PCDHA5: variants seen among roughly 807,000 people sequenced by gnomAD.
The protein encoded by PCDHA5 is protocadherin alpha-5.
In PCDHA5, 43 loss-of-function variants were observed where a neutral mutation model predicts 61.6. That is an observed-to-expected ratio of 0.70 (90% CI 0.55 to 0.90). The LOEUF (loss-of-function observed/expected upper bound fraction) is 0.90. PCDHA5 is among the 40% of genes least tolerant of loss of function. The pLI is 0.00. For synonymous variants in PCDHA5, 627 were observed against 543.9 expected (o/e 1.15, Z -2.13); for missense variants, 1,298 against 1,222.7 (o/e 1.06, Z -0.92).
chr5:140,842,268 A>T, intron 1 of PCDHA5: 1 of 1,610,534 alleles, frequency 6.2e-7, no homozygotes, highest in Non-Finnish European at 8.5e-7. Context: ...GAAAACTTAT[A>T]CAAAATCCTC....
intron 1 of PCDHA5, chr5:140,851,981 G>A: frequency 1.0e-6 from 1 of 976,468 alleles, no homozygotes; most frequent in Non-Finnish European, 1.2e-6. Flanking sequence ...TACCTTTAGT[G>A]CAAGCTATTT....
rs138948867 is a variant in PCDHA5, at chr5:140,849,674, C to A, written c.2352+25547C>A. 2.5e-6 allele frequency: 4 copies of A among 1,598,602 alleles called. 1 individual carries two copies. Among genetic ancestry groups the A allele is most frequent in the Non-Finnish European group, 3.4e-6 (4 of 1,168,020 alleles). ...TTACCTGCTCCCTGACGCCCCACGT[C>A]CCCTTCAAGCTGGTGTCCACCTACA... On this transcript the variant is annotated intron_variant, in intron 1 of 3. Coordinates refer to ENST00000529859, the MANE Select transcript of PCDHA5 (RefSeq NM_018908.3).
At chr5:140,894,569 CT>C (rs556288790) in intron 1 of PCDHA5, among the ~76,000 whole-genome samples, 1 of 151,328 alleles carries the variant, frequency 6.6e-6, no homozygotes, top group Non-Finnish European at 1.5e-5. Flanking sequence ...AATTATTTTC[CT>C]TTTTTTTAAT....
chr5:140,915,615 A>C (rs948306385), intron 1 of PCDHA5, among the ~76,000 whole-genome samples: 5 of 142,332 alleles, frequency 3.5e-5, no homozygotes, highest in Admixed American at 7.1e-5. Flanking sequence ...TCTGTCAAAC[A>C]GTCTCTTTCT....
chr5:140,938,807 A>G (rs1253557528), intron 1 of PCDHA5, among the ~76,000 whole-genome samples: 1 of 152,020 alleles, frequency 6.6e-6, no homozygotes, highest in Non-Finnish European at 1.5e-5. Context: ...GGTACCACAA[A>G]CCCCTGTGAC....
chr5:140,836,506 CCA>C, intron 1 of PCDHA5: 2 of 1,613,884 alleles, frequency 1.2e-6, no homozygotes, highest in Non-Finnish European at 1.7e-6. Context: ...TGCGCGGTGT[CCA>C]GTCTGTTGGT....
At chr5:140,983,977 C>T (rs566705604) in intron 3 of PCDHA5, among the ~76,000 whole-genome samples, 20 of 152,234 alleles carry the variant, frequency 1.3e-4, no homozygotes, top group Non-Finnish European at 2.4e-4. Flanking sequence ...AAAAAATATA[C>T]GAGTTGAAGC....
At chr5:140,915,273 A>C (rs2077054431) in intron 1 of PCDHA5, among the ~76,000 whole-genome samples, 1 of 152,090 alleles carries the variant, frequency 6.6e-6, no homozygotes, top group South Asian at 2.1e-4. Flanking sequence ...TGACCAGTTC[A>C]TCATTTACTC....
intron 1 of PCDHA5, chr5:140,825,391 T>C (rs1768537331): frequency 1.4e-5 from 2 of 143,592 alleles, no homozygotes; most frequent in East Asian, 3.9e-4. Flanking sequence ...CTAATATATA[T>C]CTAATATATT....
At chr5:140,849,085 G>A (rs2040774319) in intron 1 of PCDHA5, 2 of 1,513,328 alleles carry the variant, frequency 1.3e-6, no homozygotes, top group South Asian at 2.3e-5. Context: ...CTTGTATTAC[G>A]GAAACTTTTA....
intron 2 of PCDHA5, 29 bp downstream of exon 2, chr5:140,979,036 A>G: frequency 6.2e-7 from 1 of 1,613,064 alleles, no homozygotes. Context: ...ATTCACTCAG[A>G]AGTAACCTTA....
intron 1 of PCDHA5, chr5:140,869,866 G>A (rs1165429955): frequency 1.9e-6 from 3 of 1,610,400 alleles, no homozygotes; most frequent in Non-Finnish European, 1.7e-6. Flanking sequence ...TATGGAAAAT[G>A]CTGCTAAAGA....
chr5:140,934,331 A>C (rs1313968911), intron 1 of PCDHA5, among the ~76,000 whole-genome samples: 1 of 152,116 alleles, frequency 6.6e-6, no homozygotes, highest in East Asian at 1.9e-4. Flanking sequence ...CATGAATGTA[A>C]TAACCACCAG....
At chr5:140,887,829 G>A (rs2061597831) in intron 1 of PCDHA5, among the ~76,000 whole-genome samples, 1 of 151,932 alleles carries the variant, frequency 6.6e-6, no homozygotes, top group Non-Finnish European at 1.5e-5. Flanking sequence ...GCCTCATTTT[G>A]AATATCTTTT....
At chr5:140,884,066 G>C in intron 1 of PCDHA5, 3 of 1,613,514 alleles carry the variant, frequency 1.9e-6, no homozygotes, top group Non-Finnish European at 2.5e-6. Flanking sequence ...GGTGGACGCC[G>C]ATTCGGGCTA....
chr5:140,883,091 G>T, intron 1 of PCDHA5: 1 of 1,614,112 alleles, frequency 6.2e-7, no homozygotes, highest in Non-Finnish European at 8.5e-7. Context: ...TGGTACAAAT[G>T]GAGATATAGT....
In PCDHA5 at chr5:140,832,659, T is replaced by A. The variant is rs1044025424; in HGVS notation, c.2352+8532T>A. On this transcript the variant is annotated intron_variant, in intron 1 of 3. Transcript: ENST00000529859. ...AGGAGGGTCTTTAAGAGTATCACAC[T>A]GTGCCTGCTGAGAATCATCGAATTA... 3.9e-5 allele frequency among the ~76,000 whole-genome samples: 6 copies of A among 152,316 alleles called. No homozygotes were observed. The South Asian group carries it at 1.0e-3, about 26-fold the overall frequency.
rs782792374 is a variant in PCDHA5, at chr5:140,869,589, T to C, written c.2352+45462T>C. The C allele has an allele frequency of 2.5e-6, 4 of 1,614,002 alleles. No individual in the cohort carries two copies. The African/African-American group carries it at 4.0e-5, about 16-fold the overall frequency. On this transcript the variant is annotated intron_variant, in intron 1 of 3. Coordinates refer to ENST00000529859, the MANE Select transcript of PCDHA5 (RefSeq NM_018908.3). ...TAGAGGGAGCTTCTGATGCTGACAT[T>C]GAAGAGAATGCTCTATTGACCTACA...
intron 2 of PCDHA5, among the ~76,000 whole-genome samples, chr5:140,981,892 G>A (rs1245605619): frequency 2.0e-5 from 3 of 152,122 alleles, no homozygotes; most frequent in Non-Finnish European, 2.9e-5. Flanking sequence ...TCTTCTGAGC[G>A]GGGATCTGTG....
Sources: allele counts gnomAD v4.1 joint callset (sites outside exome capture counted in the v4.1 genomes callset), GRCh38; gene constraint gnomAD v4.1.1; transcripts MANE v1.5; gene names NCBI Gene and HGNC (gene_info 2026-07-23, HGNC 2026-07-21).